Variants in HS6ST1 observed in about 807,000 individuals in gnomAD.
HS6ST1 encodes the protein heparan sulfate 6-O-sulfotransferase 1, also known as heparan-sulfate 6-O-sulfotransferase 1.
A neutral mutation model predicts 25.2 loss-of-function variants in HS6ST1; 3 were observed. The observed-to-expected ratio is 0.12, with a 90% CI of 0.05 to 0.31. The LOEUF (loss-of-function observed/expected upper bound fraction) is 0.31. Ranked by LOEUF, HS6ST1 falls within the 10% of genes least tolerant of loss-of-function variation. The probability of loss-of-function intolerance (pLI) is 1.00; values close to 1 mark genes in which losing one functional copy is unlikely to be tolerated. For missense variants in HS6ST1, 310 were observed against 609.6 expected (o/e 0.51, Z 5.18); for synonymous variants, 204 against 275.1 (o/e 0.74, Z 2.56).
intron 1 of HS6ST1, among the ~76,000 whole-genome samples, chr2:128,270,689 T>C (rs566395335): frequency 6.6e-6 from 1 of 152,156 alleles, no homozygotes; most frequent in East Asian, 1.9e-4. Context: ...AGGGGAGGCA[T>C]AGGGCCGCAT....
intron 1 of HS6ST1, among the ~76,000 whole-genome samples, chr2:128,279,591 A>G (rs1206599932): frequency 6.6e-6 from 1 of 152,108 alleles, no homozygotes; most frequent in Non-Finnish European, 1.5e-5. Flanking sequence ...GACAGAGGCC[A>G]CACCATGAAG....
chr2:128,291,523 G>C (rs549296479), intron 1 of HS6ST1, among the ~76,000 whole-genome samples: 168 of 152,340 alleles, frequency 1.1e-3, no homozygotes, highest in African/African-American at 3.8e-3. Context: ...CAGAAGGTGC[G>C]TCAGCGGGAG....
chr2:128,268,839 G>C lies in HS6ST1; in HGVS notation c.559C>G (p.Pro187Ala). Reference sequence around the variant, plus strand: ...CACTCGCTCAGGTAGCGGGACACGGGGTCTCGTAGCAGGGTGATGTAGTAG... The same window carrying C: ...CACTCGCTCAGGTAGCGGGACACGGCGTCTCGTAGCAGGGTGATGTAGTAG... Reference protein sequence around the residue: ...KFYYITLLRDPVSRYLSEWRH... With the variant: ...KFYYITLLRDAVSRYLSEWRH... Residue 187 changes from proline (P) to alanine (A), a missense_variant, in exon 2 of 2, where the codon CCC (proline) becomes GCC (alanine). By Grantham distance (27) the Pro-to-Ala change is conservative (BLOSUM62 -1). This residue lies in a region of HS6ST1 where 98 missense variants were observed against 270.3 expected (regional missense o/e 0.36). Transcript: ENST00000259241. The C allele has an allele frequency of 6.2e-7, 1 of 1,611,746 alleles. No homozygotes were observed. Among genetic ancestry groups the C allele is most frequent in the Non-Finnish European group, 8.5e-7 (1 of 1,179,900 alleles).
intron 1 of HS6ST1, among the ~76,000 whole-genome samples, chr2:128,283,369 T>C (rs1467795354): frequency 6.6e-6 from 1 of 152,222 alleles, no homozygotes; most frequent in East Asian, 1.9e-4. Context: ...GTCTTCCCAC[T>C]GGCCTAGTTC....
intron 1 of HS6ST1, among the ~76,000 whole-genome samples, chr2:128,270,083 C>T (rs1342470969): frequency 6.6e-6 from 1 of 152,226 alleles, no homozygotes; most frequent in East Asian, 1.9e-4. Flanking sequence ...CCAGGGGTGG[C>T]AGCTCTGAAG....
chr2:128,315,882 G>A (rs982632478), intron 1 of HS6ST1, among the ~76,000 whole-genome samples: 2 of 152,246 alleles, frequency 1.3e-5, no homozygotes, highest in Non-Finnish European at 2.9e-5. Context: ...TGGAGGCGGA[G>A]AAGAGGGACT....
chr2:128,282,967 C>T (rs564562394), intron 1 of HS6ST1, among the ~76,000 whole-genome samples: 2 of 152,314 alleles, frequency 1.3e-5, no homozygotes, highest in East Asian at 1.9e-4. Context: ...GAGGGGCTCA[C>T]GGATTCCATC....
intron 1 of HS6ST1, among the ~76,000 whole-genome samples, chr2:128,308,336 T>C (rs1022272949): frequency 6.6e-6 from 1 of 152,126 alleles, no homozygotes; most frequent in Non-Finnish European, 1.5e-5. Context: ...TAGGGGGTGA[T>C]AGCAGCTGGT....
At position 128,292,910 on chromosome 2, in the gene HS6ST1, G is replaced by A. The variant is rs553482723; in HGVS notation, c.528-24040C>T. Among the ~76,000 whole-genome samples the A allele has an allele frequency of 4.4e-4, 67 of 152,204 alleles. 1 individual carries two copies. Among genetic ancestry groups the A allele is most frequent in the African/African-American group, 1.6e-3 (66 of 41,526 alleles). ...GGGGTGTGGGGGAAGGCAGCGGTCG[G>A]GGAGAGCCTAGGCAGGCCTCCCACT... On this transcript the variant is annotated intron_variant, in intron 1 of 1. Coordinates refer to ENST00000259241, the MANE Select transcript of HS6ST1 (RefSeq NM_004807.3).
chr2:128,283,428 C>T (rs1482297833), intron 1 of HS6ST1, among the ~76,000 whole-genome samples: 1 of 152,238 alleles, frequency 6.6e-6, no homozygotes, highest in Admixed American at 6.5e-5. Flanking sequence ...CCCAGTGACC[C>T]CCTGGCAGAG....
At position 128,266,030 on chromosome 2, in the gene HS6ST1, A is replaced by AGAC. The variant is rs1693506160; in HGVS notation, c.*2129_*2131dup. The AGAC allele has an allele frequency of 6.6e-6, 1 of 151,608 alleles. No individual in the cohort carries two copies. Among genetic ancestry groups the AGAC allele is most frequent in the African/African-American group, 2.4e-5 (1 of 41,224 alleles). 9.4% of individuals were successfully genotyped at this position (151,608 alleles called of 1,614,324 possible). ...CTTTCCAAATGCAGCGAAGAGACTG[A>AGAC]GACAAGACCCGTGCTTCCGTGTGAG... On this transcript the variant is annotated 3_prime_UTR_variant, in exon 2 of 2. Transcript: ENST00000259241.
chr2:128,294,053 G>A, intron 1 of HS6ST1, among the ~76,000 whole-genome samples: 1 of 152,282 alleles, frequency 6.6e-6, no homozygotes, highest in Admixed American at 6.5e-5. Flanking sequence ...TTGAGGGCAG[G>A]GCCCTGCCCT....
At chr2:128,286,979 C>T (rs1343400642) in intron 1 of HS6ST1, among the ~76,000 whole-genome samples, 3 of 152,186 alleles carry the variant, frequency 2.0e-5, no homozygotes, top group African/African-American at 7.2e-5. Context: ...TTGGGGTGGT[C>T]GGGGAGCAAG....
chr2:128,268,394 C>T lies in HS6ST1; in HGVS notation c.1004G>A (p.Arg335Gln), dbSNP rs1374891155. The change falls in exon 2 of 2, where the codon CGG (arginine) becomes CAG (glutamine). Residue 335 changes from arginine to glutamine, a missense_variant. By Grantham distance (43) the Arg-to-Gln change is conservative (BLOSUM62 1). Coordinates refer to ENST00000259241, the MANE Select transcript of HS6ST1 (RefSeq NM_004807.3). ...CAGGTCGTTGAGCTCCTCGATGCGC[C>T]GGATGGTGTCTTCATCCACCTCCAC... ...GGVEVDEDTI[R>Q]RIEELNDLDM... 8.1e-6 allele frequency: 13 copies of T among 1,613,670 alleles called. No individual in the cohort carries two copies. In the Admixed American group the frequency reaches 1.0e-4, roughly 12 times the overall value.
At chr2:128,284,911 C>T (rs942526373) in intron 1 of HS6ST1, among the ~76,000 whole-genome samples, 1 of 152,160 alleles carries the variant, frequency 6.6e-6, no homozygotes, top group African/African-American at 2.4e-5. Context: ...GTGGTTTGGG[C>T]CTAAATGCTG....
intron 1 of HS6ST1, among the ~76,000 whole-genome samples, chr2:128,272,177 GC>G (rs1472707431): frequency 6.6e-6 from 1 of 152,214 alleles, no homozygotes; most frequent in African/African-American, 2.4e-5. Flanking sequence ...AGGGGCTGGA[GC>G]GTCTACCTGC....
chr2:128,295,942 C>T (rs1332891365), intron 1 of HS6ST1, among the ~76,000 whole-genome samples: 4 of 152,234 alleles, frequency 2.6e-5, no homozygotes, highest in East Asian at 3.8e-4. Flanking sequence ...TAATCTCCAA[C>T]GTGATGGCAT....
At chr2:128,274,284 TA>T (rs1170552425) in intron 1 of HS6ST1, among the ~76,000 whole-genome samples, 4 of 152,056 alleles carry the variant, frequency 2.6e-5, no homozygotes, top group Non-Finnish European at 5.9e-5. Flanking sequence ...AACAGAGGAC[TA>T]AAAAGTTGAC....
intron 1 of HS6ST1, among the ~76,000 whole-genome samples, chr2:128,279,959 C>G (rs1693755515): frequency 6.6e-6 from 1 of 152,222 alleles, no homozygotes; most frequent in African/African-American, 2.4e-5. Context: ...CATGGGACAC[C>G]ACAGGGTACC....
Sources: allele counts gnomAD v4.1 joint callset (sites outside exome capture counted in the v4.1 genomes callset), GRCh38; gene constraint gnomAD v4.1.1; regional missense constraint gnomAD v4.1.1; transcripts MANE v1.5; gene names NCBI Gene and HGNC (gene_info 2026-07-23, HGNC 2026-07-21).